The following BTBD8 variants were observed in gnomAD, a reference collection of about 807,000 sequenced individuals.
BTBD8 encodes BTB domain containing 8, also known as BTB/POZ domain-containing protein 8.
In BTBD8, 110 loss-of-function variants were observed where a neutral mutation model predicts 162.9. That is an observed-to-expected ratio of 0.68 (90% CI 0.58 to 0.79). The LOEUF (loss-of-function observed/expected upper bound fraction) is 0.79. BTBD8 is among the 30% of genes least tolerant of loss of function. The pLI, the probability that BTBD8 is intolerant of heterozygous loss-of-function variation, is 0.00. For missense variants in BTBD8, 1,905 were observed against 2,085.4 expected (o/e 0.91, Z 1.68); for synonymous variants, 667 against 716.1 (o/e 0.93, Z 1.10).
Position 92,177,289 on chromosome 1 carries a change from A to C in BTBD8, c.2096A>C (p.Asn699Thr). Residue 699 changes from asparagine (N) to threonine (T), a missense_variant, in exon 14 of 18, where the codon AAC becomes ACC. Physicochemically the swap from Asn to Thr is moderately conservative, Grantham distance 65 (BLOSUM62 0). Around this residue, in one of 3 missense-constraint regions of BTBD8, gnomAD observed 1,374 missense variants for 1,442.7 expected, o/e 0.95. Coordinates refer to ENST00000636805, the MANE Select transcript of BTBD8 (RefSeq NM_001376131.1). Reference sequence around the variant, plus strand: ...GCCAGACCCAAGGTACTCACAGGAAACTTAAATGTGCAAGCCAAAGCAAAG... The same window carrying C: ...GCCAGACCCAAGGTACTCACAGGAACCTTAAATGTGCAAGCCAAAGCAAAG... Reference protein sequence around the residue: ...SGARPKVLTGNLNVQAKAKPL... With the variant: ...SGARPKVLTGTLNVQAKAKPL... 1.3e-6 allele frequency: 2 copies of C among 1,552,096 alleles called. No homozygotes were observed. Among genetic ancestry groups the C allele is most frequent in the Non-Finnish European group, 1.7e-6 (2 of 1,147,084 alleles).
At chr1:92,091,578 A>G (rs1239479900) in intron 2 of BTBD8, among the ~76,000 whole-genome samples, 1 of 151,262 alleles carries the variant, frequency 6.6e-6, no homozygotes, top group Non-Finnish European at 1.5e-5. Context: ...TCTGTCGCCC[A>G]GGGTGGAGTG....
chr1:92,124,997 T>G (rs970277553), intron 4 of BTBD8, among the ~76,000 whole-genome samples: 4 of 152,212 alleles, frequency 2.6e-5, no homozygotes, highest in African/African-American at 9.6e-5. Flanking sequence ...TATTTTTTAT[T>G]TAAAAATGTT....
chr1:92,120,594 G>T (rs1189498102), intron 4 of BTBD8, among the ~76,000 whole-genome samples: 1 of 152,154 alleles, frequency 6.6e-6, no homozygotes, highest in African/African-American at 2.4e-5. Flanking sequence ...AGCACAGTAG[G>T]TTTATTTATA....
intron 4 of BTBD8, chr1:92,114,842 C>A: frequency 2.9e-6 from 1 of 347,782 alleles, no homozygotes; most frequent in Admixed American, 3.1e-5. Flanking sequence ...ACCCACCACC[C>A]TGTTGCTGTA....
chr1:92,167,195 A>G, intron 10 of BTBD8, 55 bp downstream of exon 10: 1 of 1,532,208 alleles, frequency 6.5e-7, no homozygotes, highest in Non-Finnish European at 8.8e-7. Context: ...TTCTGATTTC[A>G]ATTATGTAAG....
At chr1:92,103,886 T>A (rs1191269790) in intron 3 of BTBD8, among the ~76,000 whole-genome samples, 1 of 152,202 alleles carries the variant, frequency 6.6e-6, no homozygotes, top group East Asian at 1.9e-4. Flanking sequence ...TGCTAAAACA[T>A]AAAAATATTC....
chr1:92,171,483 G>A (rs1034441264), intron 13 of BTBD8, 23 bp downstream of exon 13: 34 of 1,385,892 alleles, frequency 2.5e-5, no homozygotes, highest in Non-Finnish European at 3.2e-5. Flanking sequence ...AATTTTATAG[G>A]TACAAATGAA....
intron 12 of BTBD8, 26 bp from the exon 13 acceptor site, chr1:92,171,373 A>C: frequency 6.5e-7 from 1 of 1,527,928 alleles, no homozygotes; most frequent in African/African-American, 1.4e-5. Flanking sequence ...TTCCTTATAA[A>C]AACAAATTGC....
chr1:92,124,313 G>A (rs1181764653), intron 4 of BTBD8, among the ~76,000 whole-genome samples: 1 of 152,108 alleles, frequency 6.6e-6, no homozygotes, highest in Non-Finnish European at 1.5e-5. Flanking sequence ...TTCCTAAGCT[G>A]CTTTCAGCAG....
intron 3 of BTBD8, among the ~76,000 whole-genome samples, chr1:92,103,654 TCTC>T: frequency 6.6e-6 from 1 of 152,214 alleles, no homozygotes; most frequent in East Asian, 1.9e-4. Flanking sequence ...ATCTTCCCAT[TCTC>T]CTCTCTAGAG....
intron 2 of BTBD8, among the ~76,000 whole-genome samples, chr1:92,090,451 T>C (rs1648266056): frequency 6.6e-6 from 1 of 152,234 alleles, no homozygotes; most frequent in South Asian, 2.1e-4. Context: ...TTTGGAGAAC[T>C]ATCTACATCC....
chr1:92,102,774 T>C (rs1280975275), intron 3 of BTBD8, 105 bp downstream of exon 3: 1 of 1,110,488 alleles, frequency 9.0e-7, no homozygotes, highest in Admixed American at 3.7e-5. Context: ...TGATTTTTTT[T>C]TTAATAAGCA....
At chr1:92,170,464 G>A (rs935870914) in intron 12 of BTBD8, among the ~76,000 whole-genome samples, 27 of 152,072 alleles carry the variant, frequency 1.8e-4, no homozygotes, top group African/African-American at 6.3e-4. Flanking sequence ...TTCTTCCTGT[G>A]TATTATTGTG....
Position 92,101,221 on chromosome 1 carries a change from C to T in BTBD8, c.348-1252C>T, listed in dbSNP as rs77840494. 6.1e-3 allele frequency among the ~76,000 whole-genome samples: 933 copies of T among 152,216 alleles called. 10 individuals carry two copies. The highest frequency in any genetic ancestry group is 0.021 in the African/African-American group (880 of 41,494). On this transcript the variant is annotated intron_variant, in intron 2 of 17. Transcript: ENST00000636805. ...CTTCCACATCACAGGGTAGTTCTCT[C>T]TGAGGAATATTCTGAGTTGTCATTT...
Position 92,102,551 on chromosome 1 carries a change from A to G in BTBD8, c.426A>G (p.Ile142Met), listed in dbSNP as rs1648616545. The change falls in exon 3 of 18, where the codon ATA (isoleucine) becomes ATG (methionine). Residue 142 changes from isoleucine (I) to methionine (M), a missense_variant. Coordinates refer to ENST00000636805, the MANE Select transcript of BTBD8 (RefSeq NM_001376131.1). ...ILRKKIMEIG[I>M]SQKQLDISFP... ...GGAAAAAGATAATGGAGATTGGGAT[A>G]TCACAAAAGCAACTTGACATCAGTT... 1.3e-6 allele frequency: 2 copies of G among 1,594,162 alleles called. No homozygotes were observed. The highest frequency in any genetic ancestry group is 2.3e-5 in the South Asian group (2 of 86,772).
intron 5 of BTBD8, among the ~76,000 whole-genome samples, chr1:92,134,555 A>G (rs1282593698): frequency 6.6e-6 from 1 of 152,102 alleles, no homozygotes; most frequent in Non-Finnish European, 1.5e-5. Flanking sequence ...ATCAAGCATC[A>G]CCTTCCCAGA....
At chr1:92,160,760 G>A (rs533519433) in intron 9 of BTBD8, among the ~76,000 whole-genome samples, 27 of 152,190 alleles carry the variant, frequency 1.8e-4, no homozygotes, top group Admixed American at 1.1e-3. Flanking sequence ...GCAACTAGTC[G>A]CATGCAACAT....
At chr1:92,108,136 G>C in intron 4 of BTBD8, 135 bp downstream of exon 4, 1 of 808,720 alleles carries the variant, frequency 1.2e-6, no homozygotes, top group Non-Finnish European at 2.1e-6. Flanking sequence ...GGCCAAAGGG[G>C]TTCCACTGTG....
intron 5 of BTBD8, among the ~76,000 whole-genome samples, chr1:92,136,755 A>G (rs1259445651): frequency 6.6e-6 from 1 of 152,224 alleles, no homozygotes; most frequent in Non-Finnish European, 1.5e-5. Flanking sequence ...TTTAAATTCC[A>G]GTGCATTTTG....
Sources: allele counts gnomAD v4.1 joint callset (sites outside exome capture counted in the v4.1 genomes callset), GRCh38; gene constraint gnomAD v4.1.1; regional missense constraint gnomAD v4.1.1; transcripts MANE v1.5; gene names NCBI Gene and HGNC (gene_info 2026-07-23, HGNC 2026-07-21).